ACSBG2: variants seen among roughly 807,000 people sequenced by gnomAD.
ACSBG2 encodes the protein acyl-CoA synthetase bubblegum family member 2, also known as long-chain-fatty-acid--CoA ligase ACSBG2.
A neutral mutation model predicts 74.7 loss-of-function variants in ACSBG2; 62 were observed. That is an observed-to-expected ratio of 0.83 (90% CI 0.68 to 1.03). The LOEUF (loss-of-function observed/expected upper bound fraction) is 1.03, where lower values mean the gene tolerates loss of function less well. Among genes scored for constraint, ACSBG2 ranks in the 50% least tolerant of loss-of-function variants. ACSBG2 has a pLI of 0.00. For synonymous variants in ACSBG2, 309 were observed against 294.1 expected (o/e 1.05, Z -0.52); for missense variants, 730 against 817.6 (o/e 0.89, Z 1.31).
intron 7 of ACSBG2, among the ~76,000 whole-genome samples, chr19:6,173,067 C>G (rs1238650309): frequency 2.0e-5 from 3 of 152,180 alleles, no homozygotes; most frequent in Non-Finnish European, 4.4e-5. Context: ...GGCATGGGTG[C>G]TGCCCACTCC....
chr19:6,165,881 G>C lies in ACSBG2; in HGVS notation c.604G>C (p.Glu202Gln). ...CTGTCCACAGTGGGATGATTTCATG[G>C]AACTTGGCAGAAGTATCCCTGACAC... is the stretch of plus-strand genomic sequence containing the variant. ...NNLYSWDDFM[E>Q]LGRSIPDTQL... The change falls in exon 7 of 15, where the codon GAA (glutamate) becomes CAA (glutamine). Residue 202 changes from glutamate to glutamine, a missense_variant. Transcript: ENST00000588485. 5 of 1,614,084 alleles carry C rather than the reference G, an allele frequency of 3.1e-6. No individual in the cohort carries two copies. The highest frequency in any genetic ancestry group is 3.4e-6 in the Non-Finnish European group (4 of 1,179,984).
At chr19:6,171,433 T>C (rs2089962970) in intron 7 of ACSBG2, among the ~76,000 whole-genome samples, 1 of 152,204 alleles carries the variant, frequency 6.6e-6, no homozygotes, top group East Asian at 1.9e-4. Flanking sequence ...TCCTTTACAT[T>C]TGCTTATCTG....
At chr19:6,164,997 G>A (rs1212066075) in intron 6 of ACSBG2, among the ~76,000 whole-genome samples, 1 of 152,230 alleles carries the variant, frequency 6.6e-6, no homozygotes, top group Non-Finnish European at 1.5e-5. Flanking sequence ...TCACCTGCCA[G>A]AGTGAGGCAA....
intron 8 of ACSBG2, among the ~76,000 whole-genome samples, chr19:6,181,898 T>C (rs151198587): frequency 2.9e-3 from 438 of 150,122 alleles, no homozygotes; most frequent in Non-Finnish European, 4.8e-3. Flanking sequence ...GATCTTCTAT[T>C]TTGTTCCACT....
chr19:6,188,993 G>T (rs542785060), intron 13 of ACSBG2, among the ~76,000 whole-genome samples: 1 of 152,276 alleles, frequency 6.6e-6, no homozygotes, highest in Admixed American at 6.5e-5. Context: ...ACTATATCTT[G>T]TGATTGGGTT....
At chr19:6,167,069 A>G (rs2089829936) in intron 7 of ACSBG2, among the ~76,000 whole-genome samples, 1 of 152,194 alleles carries the variant, frequency 6.6e-6, no homozygotes, top group Non-Finnish European at 1.5e-5. Flanking sequence ...CTTCTGCCTC[A>G]GCCTCCCAAG....
intron 13 of ACSBG2, among the ~76,000 whole-genome samples, chr19:6,188,223 C>T (rs77967612): frequency 0.065 from 9,957 of 152,218 alleles, 538 homozygotes; most frequent in African/African-American, 0.15. Context: ...TTCTCATTGT[C>T]CAGGTCTCAC....
chr19:6,182,634 C>A lies in ACSBG2; in HGVS notation c.907-117C>A. The stretch of plus-strand genomic sequence containing the variant: ...TGTCTCCTTTTGGTTGGGAGTCCTG[C>A]GTAATCTGATCAGTGAAGGAATGTT... On this transcript the variant is annotated intron_variant, in intron 8 of 14. Coordinates refer to ENST00000588485, the MANE Select transcript of ACSBG2 (RefSeq NM_030924.5). 6 of 1,007,162 alleles carry A rather than the reference C, an allele frequency of 6.0e-6. No homozygotes were observed. The South Asian group carries it at 6.8e-5, about 11-fold the overall frequency. The allele number at this position is 1,007,162 out of a possible 1,614,324, so 62.4% of individuals were successfully genotyped here.
chr19:6,183,371 G>A (rs544921416), intron 10 of ACSBG2, 99 bp downstream of exon 10: 1 of 986,956 alleles, frequency 1.0e-6, no homozygotes, highest in South Asian at 1.6e-5. Flanking sequence ...GAGGAATCCT[G>A]ACGTGGTGTC....
intron 8 of ACSBG2, among the ~76,000 whole-genome samples, chr19:6,181,804 T>TGGGGGGG: frequency 1.2e-4 from 1 of 8,536 alleles, no homozygotes; most frequent in South Asian, 6.2e-3. Context: ...ATTTGAATAG[T>TGGGGGGG]CCCCACCCGC....
intron 7 of ACSBG2, among the ~76,000 whole-genome samples, chr19:6,172,343 T>G (rs114360033): frequency 6.6e-6 from 1 of 152,184 alleles, no homozygotes; most frequent in Non-Finnish European, 1.5e-5. Context: ...CTTCTATTGT[T>G]TGGATGGGGC....
chr19:6,161,462 A>C, intron 6 of ACSBG2, 167 bp downstream of exon 6: 1 of 586,160 alleles, frequency 1.7e-6, no homozygotes, highest in Non-Finnish European at 2.9e-6. Flanking sequence ...AAGGTGAGGA[A>C]AGGAAGTGGG....
At chr19:6,185,321 A>G in intron 10 of ACSBG2, 115 bp from the exon 11 acceptor site, 7 of 1,005,376 alleles carry the variant, frequency 7.0e-6, no homozygotes, top group Non-Finnish European at 1.1e-5. Flanking sequence ...TGGGGTGCAT[A>G]TCCAGCCTGC....
chr19:6,174,148 G>A lies in ACSBG2; in HGVS notation c.739-3081G>A, dbSNP rs201282198. 6.2e-3 allele frequency among the ~76,000 whole-genome samples: 938 copies of A among 152,192 alleles called. 8 individuals carry two copies. The highest frequency in any genetic ancestry group is 0.011 in the East Asian group (57 of 5,176). Reference sequence around the variant, plus strand: ...GATGGGGTTTCACCACGTTGGCCAGGCTGGTCTCGAACTCCTGACCTCAGG... The same window carrying A: ...GATGGGGTTTCACCACGTTGGCCAGACTGGTCTCGAACTCCTGACCTCAGG... On this transcript the variant is annotated intron_variant, in intron 7 of 14. Transcript: ENST00000588485. This position sits in a 1 kb window ranked among gnomAD's most constrained non-coding sequence, Gnocchi z 4.2.
chr19:6,138,346 T>C (rs2088661060), intron 1 of ACSBG2, among the ~76,000 whole-genome samples: 1 of 151,856 alleles, frequency 6.6e-6, no homozygotes. Flanking sequence ...GCCTCTCACG[T>C]GACCAGGACC....
chr19:6,157,090 G>T (rs2089451240), intron 5 of ACSBG2, among the ~76,000 whole-genome samples: 1 of 152,118 alleles, frequency 6.6e-6, no homozygotes, highest in African/African-American at 2.4e-5. Flanking sequence ...GGGACTACAA[G>T]TGCCCACCAT....
chr19:6,138,602 G>GAGGAAGGA lies in ACSBG2; in HGVS notation c.-32+2705_-32+2712dup, dbSNP rs112561156. Among the ~76,000 whole-genome samples, 102 of 96,258 alleles carry GAGGAAGGA rather than the reference G, an allele frequency of 1.1e-3. 10 individuals are homozygous for GAGGAAGGA. The highest frequency in any genetic ancestry group is 4.5e-3 in the South Asian group (11 of 2,462). The allele number at this position is 96,258 out of a possible 152,430, so 63.1% of individuals were successfully genotyped here. A position where few individuals can be genotyped will look rare whatever the true frequency, so the allele number is the denominator to read the frequency against. Reference sequence around the variant, plus strand: ...GGGAAGGAAAGAGGGAAGAGAGAGGGAGGAAGGAAGGAAGGAAGGGGAGGA... The same window carrying GAGGAAGGA: ...GGGAAGGAAAGAGGGAAGAGAGAGGGAGGAAGGAAGGAAGGAAGGAAGGAAGGGGAGGA... On this transcript the variant is annotated intron_variant, in intron 1 of 14. Transcript: ENST00000588485.
chr19:6,182,754 A>T lies in ACSBG2; in HGVS notation c.910A>T (p.Thr304Ser), dbSNP rs758112150. ...YFAQADALKG[T>S]LVSTLKEVKP... ...AACCTAGCTTCGTTCCATACAGGGCACCTTGGTAAGTACTCTAAAGGAGGT... is the reference window on the plus strand; with the variant it reads ...AACCTAGCTTCGTTCCATACAGGGCTCCTTGGTAAGTACTCTAAAGGAGGT... Residue 304 changes from threonine to serine, a missense_variant, in exon 9 of 15, where the codon ACC (threonine) becomes TCC (serine). Coordinates refer to ENST00000588485, the MANE Select transcript of ACSBG2 (RefSeq NM_030924.5). The T allele has an allele frequency of 6.2e-7, 1 of 1,614,010 alleles. No homozygotes were observed. The highest frequency in any genetic ancestry group is 1.1e-5 in the South Asian group (1 of 91,050).
At chr19:6,150,181 T>C (rs1300539763) in intron 3 of ACSBG2, among the ~76,000 whole-genome samples, 2 of 150,462 alleles carry the variant, frequency 1.3e-5, no homozygotes, top group East Asian at 3.9e-4. Flanking sequence ...ACACAACACG[T>C]GTTGGGGAGG....
Sources: allele counts gnomAD v4.1 joint callset (sites outside exome capture counted in the v4.1 genomes callset), GRCh38; gene constraint gnomAD v4.1.1; non-coding constraint Gnocchi (gnomAD v3.1); transcripts MANE v1.5; gene names NCBI Gene and HGNC (gene_info 2026-07-23, HGNC 2026-07-21).